Variants in AGBL4 observed in about 807,000 individuals in gnomAD.
AGBL4 encodes the protein cytosolic carboxypeptidase 6.
Under a neutral mutation model 66.4 loss-of-function variants are expected in AGBL4, and 58 were observed. That is an observed-to-expected ratio of 0.87 (90% confidence interval 0.71 to 1.09). The LOEUF (loss-of-function observed/expected upper bound fraction) is 1.09, where lower values mean the gene tolerates loss of function less well. Ranked by LOEUF, AGBL4 falls within the 50% of genes least tolerant of loss-of-function variation. The pLI, the probability that AGBL4 is intolerant of heterozygous loss-of-function variation, is 0.00. For missense variants in AGBL4, 579 were observed against 631.0 expected, an observed-to-expected ratio of 0.92 and a Z score of 0.88; for synonymous variants, 234 against 222.9, an observed-to-expected ratio of 1.05 and a Z score of -0.44.
intron 6 of AGBL4, among the ~76,000 whole-genome samples, chr1:48,676,773 C>T (rs1341847900): frequency 1.3e-5 from 2 of 152,128 alleles, no homozygotes; most frequent in African/African-American, 2.4e-5. Context: ...TGTTTCTTAA[C>T]CCTGGCTGCT....
At chr1:48,676,640 A>G (rs1054421301) in intron 6 of AGBL4, among the ~76,000 whole-genome samples, 6 of 152,214 alleles carry the variant, frequency 3.9e-5, no homozygotes, top group Non-Finnish European at 5.9e-5. Flanking sequence ...GCAGAGGGGA[A>G]TGCTCATCTT....
chr1:49,325,675 G>A (rs1645215203), intron 3 of AGBL4, among the ~76,000 whole-genome samples: 1 of 152,160 alleles, frequency 6.6e-6, no homozygotes, highest in Admixed American at 6.5e-5. Context: ...TTAGGAACTT[G>A]ATATAGTTTG....
intron 3 of AGBL4, among the ~76,000 whole-genome samples, chr1:49,434,881 G>A (rs61783598): frequency 5.9e-4 from 90 of 152,148 alleles, no homozygotes; most frequent in Non-Finnish European, 1.0e-3. Context: ...CTGCAAAAGG[G>A]ATTCCCATCT....
intron 4 of AGBL4, among the ~76,000 whole-genome samples, chr1:49,198,641 G>A (rs1201512762): frequency 6.6e-6 from 1 of 152,156 alleles, no homozygotes; most frequent in African/African-American, 2.4e-5. Context: ...CCGGCCAACG[G>A]TGTGAATCTT....
At position 49,416,404 on chromosome 1, in the gene AGBL4, T is replaced by C. The variant is rs569282505; in HGVS notation, c.283-170540A>G. On this transcript the variant is annotated intron_variant, in intron 3 of 13. Coordinates refer to ENST00000371839, the MANE Select transcript of AGBL4 (RefSeq NM_032785.4). ...CAGTAAACTTGGTTCATATCTCAGT[T>C]CCACATCTTACTAGTTATGTGATTT... Among the ~76,000 whole-genome samples the C allele has an allele frequency of 2.6e-4, 39 of 152,264 alleles. No homozygotes were observed. The South Asian group carries it at 7.0e-3, about 27-fold the overall frequency.
chr1:49,062,500 T>C (rs1433441970), intron 4 of AGBL4, among the ~76,000 whole-genome samples: 1 of 152,220 alleles, frequency 6.6e-6, no homozygotes, highest in Non-Finnish European at 1.5e-5. Context: ...ACTAAGTACA[T>C]AATTTGAATT....
At chr1:49,600,021 T>C (rs2124151112) in intron 3 of AGBL4, among the ~76,000 whole-genome samples, 1 of 152,368 alleles carries the variant, frequency 6.6e-6, no homozygotes, top group Non-Finnish European at 1.5e-5. Flanking sequence ...AGGAGTGTTT[T>C]ACTTCCAATT....
intron 2 of AGBL4, among the ~76,000 whole-genome samples, chr1:49,745,927 C>T (rs942296116): frequency 6.6e-6 from 1 of 151,970 alleles, no homozygotes; most frequent in African/African-American, 2.4e-5. Context: ...CAGGAGAACA[C>T]ACAATCAGTT....
At position 49,251,500 on chromosome 1, in the gene AGBL4, T is replaced by G. The variant is rs140227619; in HGVS notation, c.283-5636A>C. ...CTCTCACACCATTAGCAATTACTCTTGCTTGAGGGGCACAGAGAAGGCACC... is the reference window on the plus strand; with the variant it reads ...CTCTCACACCATTAGCAATTACTCTGGCTTGAGGGGCACAGAGAAGGCACC... On this transcript the variant is annotated intron_variant, in intron 3 of 13. Coordinates refer to ENST00000371839, the MANE Select transcript of AGBL4 (RefSeq NM_032785.4). 3.7e-4 allele frequency among the ~76,000 whole-genome samples: 57 copies of G among 152,248 alleles called. 1 individual carries two copies. In the East Asian group the frequency reaches 0.01, roughly 28 times the overall value.
intron 6 of AGBL4, among the ~76,000 whole-genome samples, chr1:48,799,839 G>A (rs1274232051): frequency 1.3e-5 from 2 of 152,124 alleles, no homozygotes; most frequent in East Asian, 3.8e-4. Flanking sequence ...CACATCCCTG[G>A]TATGAAACCT....
chr1:49,992,751 C>T (rs78049517), intron 1 of AGBL4, among the ~76,000 whole-genome samples: 173 of 152,176 alleles, frequency 1.1e-3, no homozygotes, highest in African/African-American at 4.1e-3. Flanking sequence ...ATTGCTCTGC[C>T]AGGCAGACAA....
chr1:48,772,287 G>A (rs979034162), intron 6 of AGBL4, among the ~76,000 whole-genome samples: 1 of 152,252 alleles, frequency 6.6e-6, no homozygotes, highest in Admixed American at 6.5e-5. Flanking sequence ...CTTGGGCGCA[G>A]AGGGAGGAAT....
At chr1:49,171,946 G>A (rs754824836) in intron 4 of AGBL4, among the ~76,000 whole-genome samples, 2 of 151,986 alleles carry the variant, frequency 1.3e-5, no homozygotes, top group Admixed American at 1.3e-4. Flanking sequence ...TTAGAGACAG[G>A]GACATTTAAG....
chr1:49,776,157 G>C (rs1283554976), intron 2 of AGBL4, among the ~76,000 whole-genome samples: 1 of 152,064 alleles, frequency 6.6e-6, no homozygotes, highest in Non-Finnish European at 1.5e-5. Context: ...AGAAAAAATG[G>C]TGGTCAGTTA....
chr1:49,733,395 A>G (rs1649607349), intron 2 of AGBL4, among the ~76,000 whole-genome samples: 1 of 152,210 alleles, frequency 6.6e-6, no homozygotes. Flanking sequence ...TCTCATTTCT[A>G]CTTTTCTCTA....
At chr1:49,315,726 C>T (rs1645028614) in intron 3 of AGBL4, among the ~76,000 whole-genome samples, 2 of 152,000 alleles carry the variant, frequency 1.3e-5, no homozygotes, top group African/African-American at 4.8e-5. Context: ...ATTAAATGTA[C>T]TCCTACCTAT....
chr1:48,612,081 G>A (rs1645247524), intron 9 of AGBL4, among the ~76,000 whole-genome samples: 1 of 152,244 alleles, frequency 6.6e-6, no homozygotes, highest in South Asian at 2.1e-4. Context: ...AGCAGTCACT[G>A]GCTTTTCTAA....
intron 6 of AGBL4, among the ~76,000 whole-genome samples, chr1:48,744,713 T>C (rs1650458439): frequency 2.0e-5 from 3 of 152,338 alleles, no homozygotes; most frequent in Middle Eastern, 3.4e-3. Flanking sequence ...TGACCCTGTC[T>C]TTCCTTGCTT....
intron 3 of AGBL4, among the ~76,000 whole-genome samples, chr1:49,482,703 T>A (rs1646981956): frequency 6.6e-6 from 1 of 152,052 alleles, no homozygotes; most frequent in South Asian, 2.1e-4. Flanking sequence ...CTCTAGTTCT[T>A]CTAGTTGTGA....
Sources: allele counts gnomAD v4.1 joint callset (sites outside exome capture counted in the v4.1 genomes callset), GRCh38; gene constraint gnomAD v4.1.1; transcripts MANE v1.5; gene names NCBI Gene and HGNC (gene_info 2026-07-23, HGNC 2026-07-21).